Variants in CSTF3 observed in about 807,000 individuals in gnomAD.
CSTF3 encodes cleavage stimulation factor subunit 3, also known as CF-1 77 kDa subunit.
CSTF3 carries 29 observed loss-of-function variants against 105.8 expected under a neutral mutation model. That is an observed-to-expected ratio of 0.27 (90% confidence interval 0.20 to 0.37). The LOEUF (loss-of-function observed/expected upper bound fraction) is 0.37. Ranked by LOEUF, CSTF3 falls within the 10% of genes least tolerant of loss-of-function variation. The probability of loss-of-function intolerance (pLI) is 1.00; values close to 1 mark genes in which losing one functional copy is unlikely to be tolerated. For missense variants in CSTF3, 357 were observed against 879.3 expected, an observed-to-expected ratio of 0.41 and a Z score of 7.51; for synonymous variants, 252 against 281.9, an observed-to-expected ratio of 0.89 and a Z score of 1.06.
At position 33,099,153 on chromosome 11, in the gene CSTF3, G is replaced by C; in HGVS notation, c.937-3C>G. The C allele has an allele frequency of 6.4e-7, 1 of 1,566,338 alleles. No homozygotes were observed. The highest frequency in any genetic ancestry group is 8.6e-7 in the Non-Finnish European group (1 of 1,168,006). ...AATAATTTGGCATTATTCATATCCT[G>C]GTAGAAAAAAAAGAAAGCTCATCTT... On this transcript the variant is annotated splice_polypyrimidine_tract_variant and splice_region_variant and intron_variant, in intron 11 of 20. Transcript: ENST00000323959. The surrounding 1 kb of genome is among the most constrained non-coding windows in gnomAD (Gnocchi z 4.1).
intron 1 of CSTF3, among the ~76,000 whole-genome samples, chr11:33,156,049 C>T (rs1192536730): frequency 2.0e-5 from 3 of 152,104 alleles, no homozygotes; most frequent in African/African-American, 7.2e-5. Context: ...CTAAGAAAAA[C>T]CCAATTCTCA....
At chr11:33,095,292 G>A (rs1227504079) in intron 15 of CSTF3, among the ~76,000 whole-genome samples, 1 of 152,138 alleles carries the variant, frequency 6.6e-6, no homozygotes, top group African/African-American at 2.4e-5. Flanking sequence ...AGCTCACTGT[G>A]ACCTCCAATT....
Position 33,099,519 on chromosome 11 carries a change from T to C in CSTF3, c.936+89A>G. On this transcript the variant is annotated intron_variant, in intron 11 of 20. Coordinates refer to ENST00000323959, the MANE Select transcript of CSTF3 (RefSeq NM_001326.3). This position sits in a 1 kb window ranked among gnomAD's most constrained non-coding sequence, Gnocchi z 4.1. ...TTAAATTTTCAATACTTATGCTTTATTACCAAAATTCAGTTATATTTTTCA... is the reference window on the plus strand; with the variant it reads ...TTAAATTTTCAATACTTATGCTTTACTACCAAAATTCAGTTATATTTTTCA... 2 of 877,694 alleles carry C rather than the reference T, an allele frequency of 2.3e-6. No homozygotes were observed. Among genetic ancestry groups the C allele is most frequent in the South Asian group, 3.2e-5 (2 of 61,880 alleles). 54.4% of individuals were successfully genotyped at this position (877,694 alleles called of 1,614,324 possible). A position where few individuals can be genotyped will look rare whatever the true frequency, so the allele number is the denominator to read the frequency against.
At chr11:33,153,334 C>T (rs1282709095) in intron 1 of CSTF3, among the ~76,000 whole-genome samples, 1 of 152,096 alleles carries the variant, frequency 6.6e-6, no homozygotes, top group African/African-American at 2.4e-5. Context: ...GGTGATGTAG[C>T]CTCTGGAAAG....
At chr11:33,100,643 G>A (rs1326836347) in intron 10 of CSTF3, among the ~76,000 whole-genome samples, 1 of 152,164 alleles carries the variant, frequency 6.6e-6, no homozygotes, top group African/African-American at 2.4e-5. Context: ...GGATTATGAT[G>A]ATGAAAGTAC....
chr11:33,131,697 A>G (rs1295504374), intron 3 of CSTF3, among the ~76,000 whole-genome samples: 1 of 151,634 alleles, frequency 6.6e-6, no homozygotes, highest in Non-Finnish European at 1.5e-5. Context: ...ATACAAAAAA[A>G]AAAAATTAGC....
chr11:33,120,709 T>C (rs1855478730), intron 3 of CSTF3, among the ~76,000 whole-genome samples: 3 of 152,086 alleles, frequency 2.0e-5, no homozygotes, highest in Middle Eastern at 3.4e-3. Context: ...AAGCCTAACA[T>C]ATAGCAGACA....
At chr11:33,086,385 C>G (rs1296030144) in intron 18 of CSTF3, among the ~76,000 whole-genome samples, 2 of 151,984 alleles carry the variant, frequency 1.3e-5, no homozygotes, top group East Asian at 3.9e-4. Context: ...GAAACCAAAT[C>G]TATCAGTGAA....
In CSTF3 at chr11:33,085,027, C is replaced by T; in HGVS notation, c.*60G>A. 1.3e-6 allele frequency: 2 copies of T among 1,562,298 alleles called. No individual in the cohort carries two copies. The highest frequency in any genetic ancestry group is 1.8e-6 in the Non-Finnish European group (2 of 1,133,646). ...GTAACAAAGCGTTGTCTCTTTTAAA[C>T]ATACCACTTGAGGCAAAAGGAATCC... On this transcript the variant is annotated 3_prime_UTR_variant, in exon 21 of 21. Transcript: ENST00000323959.
At chr11:33,108,541 T>C in intron 3 of CSTF3, 123 bp from the exon 4 acceptor site, 2 of 675,384 alleles carry the variant, frequency 3.0e-6, no homozygotes, top group East Asian at 4.0e-5. Flanking sequence ...ATTTTTCTGT[T>C]ACTTTCAAAA....
intron 3 of CSTF3, among the ~76,000 whole-genome samples, chr11:33,135,158 T>G (rs1432597854): frequency 1.3e-5 from 2 of 152,166 alleles, no homozygotes; most frequent in Non-Finnish European, 2.9e-5. Context: ...AAAATCAGTT[T>G]TCAAACCCAG....
At chr11:33,131,663 A>T (rs1247467809) in intron 3 of CSTF3, among the ~76,000 whole-genome samples, 1 of 151,548 alleles carries the variant, frequency 6.6e-6, no homozygotes, top group African/African-American at 2.4e-5. Context: ...TGGCTAACAC[A>T]GTGAAACCCC....
chr11:33,090,439 C>G, intron 17 of CSTF3, 93 bp downstream of exon 17: 1 of 756,620 alleles, frequency 1.3e-6, no homozygotes. Flanking sequence ...AAACTAGATT[C>G]ACATTTCAGA....
chr11:33,100,602 G>A (rs998005991), intron 10 of CSTF3, among the ~76,000 whole-genome samples: 4 of 152,120 alleles, frequency 2.6e-5, no homozygotes, highest in Admixed American at 2.0e-4. Context: ...TGCAGTATAC[G>A]GGGAGGACAG....
intron 17 of CSTF3, among the ~76,000 whole-genome samples, chr11:33,088,424 A>G (rs991374721): frequency 2.0e-5 from 3 of 150,564 alleles, no homozygotes; most frequent in Admixed American, 6.6e-5. Flanking sequence ...GGGATTACAG[A>G]TGCCCGCCAC....
At chr11:33,143,184 A>T (rs1349041872) in intron 1 of CSTF3, among the ~76,000 whole-genome samples, 1 of 152,240 alleles carries the variant, frequency 6.6e-6, no homozygotes, top group African/African-American at 2.4e-5. Context: ...AATTAAAGAG[A>T]TTTTTAAAAT....
chr11:33,148,556 C>A (rs1206070424), intron 1 of CSTF3, among the ~76,000 whole-genome samples: 1 of 147,186 alleles, frequency 6.8e-6, no homozygotes, highest in Non-Finnish European at 1.5e-5. Context: ...AATTAGCAGG[C>A]GTGGTGGTAT....
At chr11:33,152,069 C>A (rs149508038) in intron 1 of CSTF3, among the ~76,000 whole-genome samples, 2 of 151,890 alleles carry the variant, frequency 1.3e-5, no homozygotes, top group African/African-American at 4.8e-5. Flanking sequence ...GCCTGGCCAA[C>A]ATGGTGAAAC....
intron 3 of CSTF3, among the ~76,000 whole-genome samples, chr11:33,135,075 G>A (rs977927976): frequency 6.6e-6 from 1 of 152,114 alleles, no homozygotes; most frequent in South Asian, 2.1e-4. Context: ...CACTTGAAGT[G>A]TCCTTAAAGG....
Sources: gnomAD v4.1 joint callset for allele counts (sites outside exome capture counted in the v4.1 genomes callset) on GRCh38, gnomAD v4.1.1 for gene constraint, Gnocchi (gnomAD v3.1) non-coding constraint, MANE v1.5 for transcripts, NCBI Gene and HGNC (gene_info 2026-07-23, HGNC 2026-07-21) for gene names.